The following FAM24B variants were observed in gnomAD, a reference collection of about 807,000 sequenced individuals.
The protein encoded by FAM24B is family with sequence similarity 24 member B.
Under a neutral mutation model 2.3 loss-of-function variants are expected in FAM24B, and 3 were observed. The ratio of observed to expected loss-of-function variants is 1.29; its 90% confidence interval spans 0.59 to 3.32. The LOEUF (loss-of-function observed/expected upper bound fraction) is 3.32, where lower values mean the gene tolerates loss of function less well. Among genes scored for constraint, FAM24B ranks in the 30% most tolerant of loss-of-function variants. The pLI, the probability that FAM24B is intolerant of heterozygous loss-of-function variation, is 0.03. For synonymous variants in FAM24B, 36 were observed against 46.3 expected (o/e 0.78, Z 0.90); for missense variants, 98 against 117.2 (o/e 0.84, Z 0.76).
chr10:122,871,823 C>T (rs914051811), intron 1 of FAM24B, among the ~76,000 whole-genome samples: 5 of 152,184 alleles, frequency 3.3e-5, no homozygotes, highest in Admixed American at 2.6e-4. Flanking sequence ...AGACCTAAAA[C>T]CATAAAAACC....
chr10:122,868,021 G>A (rs1245453181), intron 1 of FAM24B, among the ~76,000 whole-genome samples: 3 of 152,046 alleles, frequency 2.0e-5, no homozygotes, highest in Admixed American at 1.3e-4. Context: ...CAAACCAATG[G>A]CAAAGAAGTT....
intron 1 of FAM24B, among the ~76,000 whole-genome samples, chr10:122,857,929 C>T (rs1395891256): frequency 6.6e-6 from 1 of 152,222 alleles, no homozygotes; most frequent in Non-Finnish European, 1.5e-5. Context: ...GACAACTACT[C>T]AGGCACTGGC....
At chr10:122,863,724 G>GCT (rs1452367096) in intron 1 of FAM24B, among the ~76,000 whole-genome samples, 2 of 152,182 alleles carry the variant, frequency 1.3e-5, no homozygotes, top group African/African-American at 4.8e-5. Flanking sequence ...ATCCATAGGC[G>GCT]TAGCCTCAGA....
intron 3 of FAM24B, among the ~76,000 whole-genome samples, 181 bp from the exon 4 acceptor site, chr10:122,849,620 T>C (rs1847493187): frequency 6.6e-6 from 1 of 152,022 alleles, no homozygotes; most frequent in African/African-American, 2.4e-5. Flanking sequence ...TCTTCTATGA[T>C]TGCTATAAAT....
At chr10:122,855,131 G>A (rs1589669149) in intron 2 of FAM24B, 4 of 152,312 alleles carry the variant, frequency 2.6e-5, no homozygotes, top group South Asian at 4.1e-4. Context: ...CCAGAGAGAG[G>A]ATCTCCTTAA....
At chr10:122,869,805 A>G (rs1490367480) in intron 1 of FAM24B, among the ~76,000 whole-genome samples, 3 of 152,210 alleles carry the variant, frequency 2.0e-5, no homozygotes, top group Non-Finnish European at 2.9e-5. Flanking sequence ...GGAAATTTAT[A>G]GCACTAAATG....
At chr10:122,850,591 C>A in intron 2 of FAM24B, 41 bp from the exon 3 acceptor site, 1 of 1,000,826 alleles carries the variant, frequency 1.0e-6, no homozygotes, top group South Asian at 1.3e-5. Context: ...CCCACGTGGT[C>A]TCCCTCCCCA....
intron 1 of FAM24B, among the ~76,000 whole-genome samples, chr10:122,877,756 C>G (rs1242453563): frequency 2.0e-5 from 3 of 152,188 alleles, no homozygotes; most frequent in Non-Finnish European, 1.5e-5. Context: ...TAGCTCAGAT[C>G]TCTTTCACTG....
chr10:122,871,486 C>T (rs1211197738), intron 1 of FAM24B, among the ~76,000 whole-genome samples: 1 of 151,534 alleles, frequency 6.6e-6, no homozygotes, highest in African/African-American at 2.4e-5. Flanking sequence ...CAAGTCAATC[C>T]TAAGCCAAAA....
intron 1 of FAM24B, among the ~76,000 whole-genome samples, chr10:122,863,820 G>A (rs144346043): frequency 6.6e-6 from 1 of 152,146 alleles, no homozygotes; most frequent in Admixed American, 6.5e-5. Context: ...GCCAGTGTCG[G>A]CTACAAGCCC....
intron 1 of FAM24B, among the ~76,000 whole-genome samples, chr10:122,859,757 T>C (rs1296784417): frequency 2.6e-5 from 4 of 152,178 alleles, no homozygotes; most frequent in African/African-American, 9.6e-5. Flanking sequence ...CAATGAACTA[T>C]GAAGCAGCTG....
chr10:122,850,240 C>T (rs1847505217), intron 3 of FAM24B, among the ~76,000 whole-genome samples, 184 bp downstream of exon 3: 1 of 152,172 alleles, frequency 6.6e-6, no homozygotes, highest in Admixed American at 6.5e-5. Context: ...TAAGATTCTA[C>T]ACTCAGCTGT....
intron 2 of FAM24B, chr10:122,855,206 C>A (rs977939974): frequency 1.3e-5 from 2 of 152,174 alleles, no homozygotes; most frequent in African/African-American, 4.8e-5. Flanking sequence ...ATTTTATGAA[C>A]TGCCAAGGTT....
At chr10:122,869,816 C>T (rs1847862823) in intron 1 of FAM24B, among the ~76,000 whole-genome samples, 1 of 151,896 alleles carries the variant, frequency 6.6e-6, no homozygotes, top group Non-Finnish European at 1.5e-5. Flanking sequence ...GCACTAAATG[C>T]CCACAAGAGA....
chr10:122,858,744 C>A lies in FAM24B; in HGVS notation c.-177-2958G>T, dbSNP rs145435188. 2.8e-3 allele frequency among the ~76,000 whole-genome samples: 430 copies of A among 152,154 alleles called. 4 individuals are homozygous for A. The highest frequency in any genetic ancestry group is 9.9e-3 in the African/African-American group (411 of 41,518). ...TAGCCCTCACTGTCTGTGGGGCACA[C>A]AGAGCCTCTGAATCCTTCTAAACAT... On this transcript the variant is annotated intron_variant, in intron 1 of 3. Transcript: ENST00000368898.
chr10:122,866,473 G>A (rs538891933), intron 1 of FAM24B, among the ~76,000 whole-genome samples: 7 of 151,912 alleles, frequency 4.6e-5, no homozygotes, highest in Admixed American at 1.3e-4. Flanking sequence ...CATAGATACC[G>A]CATTTTTTGC....
chr10:122,850,815 G>A (rs1847521513), intron 2 of FAM24B: 3 of 326,806 alleles, frequency 9.2e-6, no homozygotes, highest in African/African-American at 4.2e-5. Flanking sequence ...ACAAACAGTG[G>A]GAAGAATCTT....
At chr10:122,858,006 G>C (rs1328689448) in intron 1 of FAM24B, among the ~76,000 whole-genome samples, 14 of 152,154 alleles carry the variant, frequency 9.2e-5, no homozygotes, top group Admixed American at 9.2e-4. Context: ...CTTTCCTCAA[G>C]GATCTAGAGC....
At chr10:122,878,706 A>T (rs1253057316) in intron 1 of FAM24B, among the ~76,000 whole-genome samples, 1 of 151,856 alleles carries the variant, frequency 6.6e-6, no homozygotes, top group Non-Finnish European at 1.5e-5. Context: ...GTATTTCAAA[A>T]CAGAGAGGCA....
Sources: allele counts gnomAD v4.1 joint callset (sites outside exome capture counted in the v4.1 genomes callset), GRCh38; gene constraint gnomAD v4.1.1; transcripts MANE v1.5; gene names NCBI Gene and HGNC (gene_info 2026-07-23, HGNC 2026-07-21).